The following PLXDC2 variants were observed in gnomAD, a reference collection of about 807,000 sequenced individuals.
PLXDC2 encodes the protein plexin domain containing 2.
PLXDC2 carries 40 observed loss-of-function variants against 68.9 expected under a neutral mutation model. That is an observed-to-expected ratio of 0.58 (90% CI 0.45 to 0.76). The LOEUF is 0.76. Among genes scored for constraint, PLXDC2 ranks in the 30% least tolerant of loss-of-function variants. The probability of loss-of-function intolerance (pLI) is 0.00; values close to 1 mark genes in which losing one functional copy is unlikely to be tolerated. For missense variants in PLXDC2, 644 were observed against 661.9 expected (o/e 0.97, Z 0.30); for synonymous variants, 243 against 234.2 (o/e 1.04, Z -0.34).
rs78791449 is a variant in PLXDC2 at position 20,073,891 on chromosome 10, A to T, written c.541+5652A>T. Among the ~76,000 whole-genome samples, 284 of 152,224 alleles carry T rather than the reference A, an allele frequency of 1.9e-3. 1 individual carries two copies. The highest frequency in any genetic ancestry group is 6.4e-3 in the African/African-American group (267 of 41,552). ...ATGTAGATTTAAGTTTGAGGATTTG[A>T]TTTGTAATCAAATAGCTATCACTAG... On this transcript the variant is annotated intron_variant, in intron 4 of 13. Coordinates refer to ENST00000377252, the MANE Select transcript of PLXDC2 (RefSeq NM_032812.9).
At chr10:20,118,561 C>T (rs2461935) in intron 4 of PLXDC2, among the ~76,000 whole-genome samples, 94,475 of 152,034 alleles carry the variant, frequency 0.62, 29,906 homozygotes, top group African/African-American at 0.71. Flanking sequence ...AAAAGTGAAT[C>T]GTTTTTCTAA....
intron 9 of PLXDC2, among the ~76,000 whole-genome samples, chr10:20,210,331 C>T (rs1327954881): frequency 6.6e-6 from 1 of 152,020 alleles, no homozygotes; most frequent in Non-Finnish European, 1.5e-5. Flanking sequence ...CTTAAAATAT[C>T]TTATTGTACT....
intron 1 of PLXDC2, among the ~76,000 whole-genome samples, chr10:19,851,812 T>G (rs536543389): frequency 6.6e-6 from 1 of 152,324 alleles, no homozygotes; most frequent in African/African-American, 2.4e-5. Context: ...CCTCCCAAAG[T>G]GCTGGGATTA....
intron 5 of PLXDC2, among the ~76,000 whole-genome samples, chr10:20,143,938 A>G (rs942960914): frequency 6.6e-6 from 1 of 152,088 alleles, no homozygotes; most frequent in Admixed American, 6.5e-5. Flanking sequence ...GAGCCTGTCA[A>G]GATTTATCAA....
At chr10:20,192,906 C>T (rs1240998090) in intron 9 of PLXDC2, among the ~76,000 whole-genome samples, 2 of 151,986 alleles carry the variant, frequency 1.3e-5, no homozygotes, top group African/African-American at 4.8e-5. Flanking sequence ...TATAAAGAGA[C>T]CAATGTTGTC....
At chr10:19,999,663 T>C (rs12411328) in intron 1 of PLXDC2, among the ~76,000 whole-genome samples, 16,170 of 152,156 alleles carry the variant, frequency 0.11, 1,057 homozygotes, top group South Asian at 0.17. Context: ...GCAAGGAAAA[T>C]GCAGGTATCT....
chr10:19,853,620 AACTTGAGTT>A (rs1837160880), intron 1 of PLXDC2, among the ~76,000 whole-genome samples: 1 of 137,720 alleles, frequency 7.3e-6, no homozygotes, highest in Non-Finnish European at 1.5e-5. Context: ...TAGAACACTG[AACTTGAGTT>A]AACTTTCCAA....
intron 4 of PLXDC2, among the ~76,000 whole-genome samples, chr10:20,079,214 CAAAAG>C (rs1357427045): frequency 6.6e-6 from 1 of 152,020 alleles, no homozygotes; most frequent in Non-Finnish European, 1.5e-5. Flanking sequence ...AGATATTTCT[CAAAAG>C]AATACATTTA....
chr10:20,068,071 A>G, intron 3 of PLXDC2, 99 bp from the exon 4 acceptor site: 1 of 966,972 alleles, frequency 1.0e-6, no homozygotes. Context: ...TTATGGGGTA[A>G]AGTAGAAGCA....
Position 19,953,826 on chromosome 10 carries a change from GT to G in PLXDC2, c.113-47939del, listed in dbSNP as rs79061057. Among the ~76,000 whole-genome samples, 22 of 148,416 alleles carry G rather than the reference GT, an allele frequency of 1.5e-4. 1 individual carries two copies. Among genetic ancestry groups the G allele is most frequent in the East Asian group, 3.9e-4 (2 of 5,094 alleles). On this transcript the variant is annotated intron_variant, in intron 1 of 13. Coordinates refer to ENST00000377252, the MANE Select transcript of PLXDC2 (RefSeq NM_032812.9). ...ATGTGAAATGAAAAGAAACCAGCCT[GT>G]TTTTTTTTTCTTTTAAATATGACAG...
intron 6 of PLXDC2, among the ~76,000 whole-genome samples, chr10:20,156,553 T>C (rs931519932): frequency 2.6e-5 from 4 of 152,214 alleles, no homozygotes; most frequent in African/African-American, 9.6e-5. Context: ...CAGTAGCTTA[T>C]GTAGAAAGGA....
intron 1 of PLXDC2, among the ~76,000 whole-genome samples, chr10:19,926,493 C>G (rs989375898): frequency 6.6e-6 from 1 of 152,134 alleles, no homozygotes; most frequent in Non-Finnish European, 1.5e-5. Flanking sequence ...GCTTGCTGCA[C>G]TATGTTCATC....
chr10:20,205,780 A>G (rs1018191079), intron 9 of PLXDC2, among the ~76,000 whole-genome samples: 10 of 152,096 alleles, frequency 6.6e-5, no homozygotes, highest in Non-Finnish European at 8.8e-5. Flanking sequence ...TAATCCTTAT[A>G]TAACCTCCCC....
chr10:20,123,345 T>C (rs548667986), intron 4 of PLXDC2, among the ~76,000 whole-genome samples: 12 of 152,134 alleles, frequency 7.9e-5, no homozygotes, highest in African/African-American at 2.2e-4. Context: ...ATGAGTTGCA[T>C]TGGGAACAGA....
chr10:20,121,754 A>G (rs954965092), intron 4 of PLXDC2, among the ~76,000 whole-genome samples: 1 of 152,208 alleles, frequency 6.6e-6, no homozygotes, highest in African/African-American at 2.4e-5. Flanking sequence ...TTGATAAGGC[A>G]TAGATCCTGA....
chr10:20,155,112 T>A (rs934098961), intron 6 of PLXDC2, among the ~76,000 whole-genome samples: 3 of 152,232 alleles, frequency 2.0e-5, no homozygotes, highest in African/African-American at 7.2e-5. Context: ...TATGGAAGAA[T>A]GCATAGTTAA....
At chr10:20,097,726 C>T (rs999358454) in intron 4 of PLXDC2, among the ~76,000 whole-genome samples, 3 of 152,018 alleles carry the variant, frequency 2.0e-5, no homozygotes, top group African/African-American at 7.2e-5. Context: ...TTATAGGTGC[C>T]TGTGGACCAC....
chr10:20,208,849 G>T (rs188819099), intron 9 of PLXDC2, among the ~76,000 whole-genome samples: 463 of 152,116 alleles, frequency 3.0e-3, no homozygotes, highest in South Asian at 5.0e-3. Flanking sequence ...TTAAAGCTGG[G>T]TGTCCGGGGG....
chr10:19,951,525 A>G (rs1833992653), intron 1 of PLXDC2, among the ~76,000 whole-genome samples: 1 of 152,236 alleles, frequency 6.6e-6, no homozygotes, highest in Non-Finnish European at 1.5e-5. Flanking sequence ...GGCTGTGGAG[A>G]AAAGGGAATG....
Sources: gnomAD v4.1 joint callset for allele counts (sites outside exome capture counted in the v4.1 genomes callset) on GRCh38, gnomAD v4.1.1 for gene constraint, MANE v1.5 for transcripts, NCBI Gene and HGNC (gene_info 2026-07-23, HGNC 2026-07-21) for gene names.